The following MYO16 variants were observed in gnomAD, a reference collection of about 807,000 sequenced individuals.
The protein encoded by MYO16 is unconventional myosin-XVI.
Under a neutral mutation model 205.3 loss-of-function variants are expected in MYO16, and 94 were observed. The observed-to-expected ratio is 0.46, with a 90% CI of 0.39 to 0.54. The LOEUF (loss-of-function observed/expected upper bound fraction) is 0.54, where lower values mean the gene tolerates loss of function less well. Among genes scored for constraint, MYO16 ranks in the 20% least tolerant of loss-of-function variants. MYO16 has a pLI of 0.00. For missense variants in MYO16, 2,315 were observed against 2,387.5 expected (o/e 0.97, Z 0.63); for synonymous variants, 988 against 954.0 (o/e 1.04, Z -0.66).
the MYO16 span, among the ~76,000 whole-genome samples, chr13:108,528,462 T>A: frequency 2.6e-5 from 4 of 151,756 alleles, no homozygotes; most frequent in Non-Finnish European, 5.9e-5. Flanking sequence ...TAGCATGATT[T>A]AAAATGCTAG....
rs554138757 is a variant in MYO16, at chr13:108,819,555, TA to T, written c.868-774del. ...GGGGAGAAACACATGAAGATGTCAT[TA>T]AAAAAAATGTTGAGTACATATTTTT... On this transcript the variant is annotated intron_variant, in intron 7 of 34. Coordinates refer to ENST00000457511, the MANE Select transcript of MYO16 (RefSeq NM_001198950.3). Among the ~76,000 whole-genome samples the T allele has an allele frequency of 6.8e-3, 1,040 of 151,980 alleles. 6 individuals are homozygous for T. The highest frequency in any genetic ancestry group is 0.015 in the African/African-American group (609 of 41,490).
Position 108,597,524 on chromosome 13 carries a change from T to C in MYO16, c.-39+1285T>C, listed in dbSNP as rs1217783895. Among the ~76,000 whole-genome samples, 3 of 152,194 alleles carry C rather than the reference T, an allele frequency of 2.0e-5. No homozygotes were observed. In the East Asian group the frequency reaches 5.8e-4, roughly 29 times the overall value. On this transcript the variant is annotated intron_variant, in intron 1 of 24. Transcript: ENST00000251041. Reference sequence around the variant, plus strand: ...CACCCCATTGTGTTTAATATATACATGTAACTTTTAGTTTTTCTCCTGTCA... The same window carrying C: ...CACCCCATTGTGTTTAATATATACACGTAACTTTTAGTTTTTCTCCTGTCA...
intron 4 of MYO16, among the ~76,000 whole-genome samples, chr13:108,785,211 G>C (rs1029734175): frequency 1.3e-5 from 2 of 152,160 alleles, no homozygotes; most frequent in African/African-American, 4.8e-5. Context: ...AGATTTGATA[G>C]GACAGATTGG....
chr13:108,834,658 TCTCTCTCTCTCA>T (rs141766616), intron 9 of MYO16, among the ~76,000 whole-genome samples: 81,240 of 143,638 alleles, frequency 0.57, 24,493 homozygotes, highest in Middle Eastern at 0.7. Context: ...TCTCTCTCTC[TCTCTCTCTCTCA>T]CACATATATA....
rs371771262 is a variant in MYO16 at position 108,999,743 on chromosome 13, A to G, written c.2442+7295A>G. On this transcript the variant is annotated intron_variant, in intron 21 of 34. Coordinates refer to ENST00000457511, the MANE Select transcript of MYO16 (RefSeq NM_001198950.3). The stretch of plus-strand genomic sequence containing the variant: ...AGCTTAAATAATTTAAGTAGCTCAT[A>G]GAAGTTCACACAAAACCAAGGTCTG... Among the ~76,000 whole-genome samples the G allele has an allele frequency of 5.8e-4, 89 of 152,334 alleles. 1 individual carries two copies. The South Asian group carries it at 0.018, about 31-fold the overall frequency.
At chr13:108,684,260 C>G (rs1047447454) in intron 2 of MYO16, among the ~76,000 whole-genome samples, 2 of 152,148 alleles carry the variant, frequency 1.3e-5, no homozygotes, top group African/African-American at 4.8e-5. Context: ...CTCTTTTCAT[C>G]TTATGAGATT....
At position 108,926,176 on chromosome 13, in the gene MYO16, C is replaced by T. The variant is rs58240898; in HGVS notation, c.1925+16026C>T. Among the ~76,000 whole-genome samples, 393 of 152,276 alleles carry T rather than the reference C, an allele frequency of 2.6e-3. 2 individuals carry two copies. The highest frequency in any genetic ancestry group is 9.0e-3 in the African/African-American group (374 of 41,552). ...AATGAAATACACTGACGTGTTTCAG[C>T]GTGTGTACTGACCAGAGAAAGGGAG... On this transcript the variant is annotated intron_variant, in intron 16 of 34. Coordinates refer to ENST00000457511, the MANE Select transcript of MYO16 (RefSeq NM_001198950.3).
At chr13:108,663,702 T>C (rs1881602799) in intron 1 of MYO16, among the ~76,000 whole-genome samples, 1 of 152,156 alleles carries the variant, frequency 6.6e-6, no homozygotes, top group African/African-American at 2.4e-5. Flanking sequence ...TAATTGAAAA[T>C]TTCACCAAGA....
At chr13:109,053,528 A>G (rs1343840230) in intron 25 of MYO16, among the ~76,000 whole-genome samples, 2 of 151,960 alleles carry the variant, frequency 1.3e-5, no homozygotes, top group African/African-American at 2.4e-5. Context: ...TCTTTTCTCA[A>G]TCATCCTAAA....
intron 1 of MYO16, among the ~76,000 whole-genome samples, chr13:108,622,097 A>G (rs1322735894): frequency 6.6e-6 from 1 of 152,180 alleles, no homozygotes; most frequent in Admixed American, 6.5e-5. Flanking sequence ...TACCTGGTTC[A>G]TGGGTAAACA....
the MYO16 span, among the ~76,000 whole-genome samples, chr13:108,525,060 T>C: frequency 6.6e-6 from 1 of 152,122 alleles, no homozygotes; most frequent in African/African-American, 2.4e-5. Context: ...GAGAGTGAAG[T>C]GTCTGGGAGT....
intron 4 of MYO16, among the ~76,000 whole-genome samples, chr13:108,746,989 AGAGTG>A (rs1260395456): frequency 6.6e-6 from 1 of 151,986 alleles, no homozygotes; most frequent in Non-Finnish European, 1.5e-5. Context: ...GAAAGCAAGA[AGAGTG>A]GAGTGAAATA....
In MYO16 at chr13:109,018,393, G is replaced by A. The variant is rs538679204; in HGVS notation, c.2596-1318G>A. On this transcript the variant is annotated intron_variant, in intron 22 of 34. Transcript: ENST00000457511. ...AGAGGGGTACCCAGCTGTATGAGGT[G>A]TCAGTCGGCCCCTACTGGGAGGTGT... Among the ~76,000 whole-genome samples the A allele has an allele frequency of 3.9e-5, 6 of 152,298 alleles. No homozygotes were observed. The East Asian group carries it at 1.2e-3, about 29-fold the overall frequency.
chr13:108,777,980 T>C lies in MYO16; in HGVS notation c.508-7655T>C, dbSNP rs538322801. Among the ~76,000 whole-genome samples, 12 of 152,260 alleles carry C rather than the reference T, an allele frequency of 7.9e-5. 1 individual carries two copies. The highest frequency in any genetic ancestry group is 1.9e-4 in the African/African-American group (8 of 41,556). ...TTACTCGTTAATTATTCATATCCAG[T>C]CTCTCTTGTTAAAATTATTGGTGGA... On this transcript the variant is annotated intron_variant, in intron 4 of 34. Coordinates refer to ENST00000457511, the MANE Select transcript of MYO16 (RefSeq NM_001198950.3).
rs1889315646 is a variant in MYO16, at chr13:109,112,370, A to G, written c.3439-8000A>G. On this transcript the variant is annotated intron_variant, in intron 28 of 34. Coordinates refer to ENST00000457511, the MANE Select transcript of MYO16 (RefSeq NM_001198950.3). ...TATCAGAGGTGATGGCACTGGAAAT[A>G]TGAAACTCAGCATCTTTGTTTCTTT... is the stretch of plus-strand genomic sequence containing the variant. 2.0e-5 allele frequency among the ~76,000 whole-genome samples: 3 copies of G among 152,242 alleles called. No homozygotes were observed. In the South Asian group the frequency reaches 6.2e-4, roughly 32 times the overall value.
At position 109,064,377 on chromosome 13, in the gene MYO16, A is replaced by G. The variant is rs1319014768; in HGVS notation, c.3335+8782A>G. On this transcript the variant is annotated intron_variant, in intron 27 of 34. Coordinates refer to ENST00000457511, the MANE Select transcript of MYO16 (RefSeq NM_001198950.3). ...GCAACTGAAGGAAAAAGTCTGATCT[A>G]CTCTTCAGTAGATCTCAATAATGTT... Among the ~76,000 whole-genome samples the G allele has an allele frequency of 2.0e-5, 3 of 151,908 alleles. No individual in the cohort carries two copies. The East Asian group carries it at 5.8e-4, about 29-fold the overall frequency.
At chr13:108,798,421 CA>C (rs1180118719) in intron 6 of MYO16, among the ~76,000 whole-genome samples, 1 of 152,000 alleles carries the variant, frequency 6.6e-6, no homozygotes, top group Non-Finnish European at 1.5e-5. Flanking sequence ...ATTAGAATTG[CA>C]ACAAAATAAC....
intron 16 of MYO16, among the ~76,000 whole-genome samples, chr13:108,922,976 C>T (rs1881814475): frequency 6.6e-6 from 1 of 152,188 alleles, no homozygotes; most frequent in Admixed American, 6.5e-5. Flanking sequence ...AAAGCAAACA[C>T]AAAGAGAGGT....
At chr13:109,173,455 A>C (rs144635672) in intron 33 of MYO16, among the ~76,000 whole-genome samples, 212 of 152,352 alleles carry the variant, frequency 1.4e-3, no homozygotes, top group Admixed American at 3.3e-3. Context: ...AGTTTAATTC[A>C]GAAAAGAAAG....
Sources: gnomAD v4.1 joint callset for allele counts (sites outside exome capture counted in the v4.1 genomes callset) on GRCh38, gnomAD v4.1.1 for gene constraint, MANE v1.5 for transcripts, NCBI Gene and HGNC (gene_info 2026-07-23, HGNC 2026-07-21) for gene names.